The following ULK4 variants were observed in gnomAD, a reference collection of about 807,000 sequenced individuals.
The protein encoded by ULK4 is unc-51 like kinase 4.
In ULK4, 133 loss-of-function variants were observed where a neutral mutation model predicts 160.6. That is an observed-to-expected ratio of 0.83 (90% CI 0.72 to 0.96). The LOEUF (loss-of-function observed/expected upper bound fraction) is 0.96, where lower values mean the gene tolerates loss of function less well. ULK4 is among the 40% of genes least tolerant of loss of function. ULK4 has a pLI of 0.00. For synonymous variants in ULK4, 534 were observed against 539.8 expected, an observed-to-expected ratio of 0.99 and a Z score of 0.15; for missense variants, 1,580 against 1,499.5, an observed-to-expected ratio of 1.05 and a Z score of -0.89.
chr3:41,878,933 G>C (rs1461303586), intron 17 of ULK4, among the ~76,000 whole-genome samples: 2 of 149,062 alleles, frequency 1.3e-5, no homozygotes, highest in East Asian at 4.0e-4. Flanking sequence ...TGAATCAAGG[G>C]TCCACATCTA....
chr3:41,700,336 T>A (rs932348187), intron 27 of ULK4, among the ~76,000 whole-genome samples: 1 of 152,070 alleles, frequency 6.6e-6, no homozygotes, highest in African/African-American at 2.4e-5. Context: ...CCCATCCTCC[T>A]AGCATACAGA....
intron 17 of ULK4, among the ~76,000 whole-genome samples, chr3:41,873,505 T>C (rs1329461780): frequency 6.6e-6 from 1 of 152,144 alleles, no homozygotes; most frequent in African/African-American, 2.4e-5. Context: ...TTCCAAAGTC[T>C]TTTTGTTACA....
chr3:41,948,703 G>A (rs1700188206), intron 2 of ULK4, among the ~76,000 whole-genome samples: 1 of 138,836 alleles, frequency 7.2e-6, no homozygotes, highest in Non-Finnish European at 1.5e-5. Flanking sequence ...AAATGCACTT[G>A]GCAAAATTCA....
chr3:41,451,139 C>T (rs13059459), intron 34 of ULK4, among the ~76,000 whole-genome samples: 39,117 of 151,854 alleles, frequency 0.26, 5,291 homozygotes, highest in East Asian at 0.57. Context: ...GCGGGAAAAC[C>T]TCTAAGCAGT....
At chr3:41,388,922 G>T (rs1177448738) in intron 35 of ULK4, among the ~76,000 whole-genome samples, 1 of 152,082 alleles carries the variant, frequency 6.6e-6, no homozygotes, top group African/African-American at 2.4e-5. Context: ...AAAGTCATTG[G>T]TAGCTTGATG....
At chr3:41,613,000 A>G (rs1437188271) in intron 31 of ULK4, among the ~76,000 whole-genome samples, 1 of 152,340 alleles carries the variant, frequency 6.6e-6, no homozygotes, top group Non-Finnish European at 1.5e-5. Context: ...TACCAGCTAA[A>G]TGAATCAAAT....
intron 34 of ULK4, among the ~76,000 whole-genome samples, chr3:41,416,246 T>TA (rs11448907): frequency 0.48 from 72,873 of 152,038 alleles, 18,257 homozygotes; most frequent in African/African-American, 0.62. Flanking sequence ...TGGTCTGGTA[T>TA]TTTTAAAGAT....
chr3:41,309,116 G>A (rs569928803), intron 35 of ULK4, among the ~76,000 whole-genome samples: 16 of 152,066 alleles, frequency 1.1e-4, no homozygotes, highest in Admixed American at 3.9e-4. Context: ...AAACATGAAA[G>A]TTATTGATTA....
At chr3:41,934,136 C>A (rs1379921664) in intron 4 of ULK4, among the ~76,000 whole-genome samples, 1 of 152,144 alleles carries the variant, frequency 6.6e-6, no homozygotes, top group Non-Finnish European at 1.5e-5. Flanking sequence ...AGACATGTAA[C>A]AATGAATTAC....
intron 22 of ULK4, among the ~76,000 whole-genome samples, chr3:41,726,072 T>C (rs180900274): frequency 5.9e-5 from 9 of 152,340 alleles, no homozygotes; most frequent in Admixed American, 3.9e-4. Flanking sequence ...AAATTCACAC[T>C]TGTCTATAAG....
intron 35 of ULK4, among the ~76,000 whole-genome samples, chr3:41,319,519 A>G (rs1233287906): frequency 6.6e-6 from 1 of 152,236 alleles, no homozygotes; most frequent in Non-Finnish European, 1.5e-5. Flanking sequence ...GTTTTATTAA[A>G]TAAGAGGAAG....
At chr3:41,506,765 A>AAAAAAAAAAAAATATATATATAT (rs1491135487) in intron 32 of ULK4, among the ~76,000 whole-genome samples, 160 of 10,458 alleles carry the variant, frequency 0.015, 13 homozygotes, top group African/African-American at 0.025. Context: ...AGTGTGATTT[A>AAAAAAAAAAAAATATATATATAT]AAATATATAT....
intron 11 of ULK4, 50 bp downstream of exon 11, chr3:41,911,267 A>G: frequency 6.3e-7 from 1 of 1,580,924 alleles, no homozygotes; most frequent in Non-Finnish European, 8.6e-7. Context: ...ATGCTTTAAG[A>G]AAATTTAACT....
chr3:41,314,141 T>G (rs902123180), intron 35 of ULK4, among the ~76,000 whole-genome samples: 5 of 152,214 alleles, frequency 3.3e-5, no homozygotes, highest in African/African-American at 1.2e-4. Context: ...TGAGCCCAAC[T>G]CAAACTACAG....
At chr3:41,310,026 G>A (rs376602381) in intron 35 of ULK4, among the ~76,000 whole-genome samples, 18 of 152,204 alleles carry the variant, frequency 1.2e-4, no homozygotes, top group Middle Eastern at 3.2e-3. Flanking sequence ...CATTGTTTGG[G>A]AGAAGGCTAG....
At position 41,954,698 on chromosome 3, in the gene ULK4, C is replaced by T. The variant is rs1168647903; in HGVS notation, c.62G>A (p.Gly21Glu). 2 of 1,613,902 alleles carry T rather than the reference C, an allele frequency of 1.2e-6. No homozygotes were observed. The highest frequency in any genetic ancestry group is 8.5e-7 in the Non-Finnish European group (1 of 1,179,918). Reference sequence around the variant, plus strand: ...AAAATTGATTGTTCCCTTCCGTCGCCCTTTATAGACAACAGTCTTGCTTCC... The same window carrying T: ...AAAATTGATTGTTCCCTTCCGTCGCTCTTTATAGACAACAGTCTTGCTTCC... ...GRGSKTVVYK[G>E]RRKGTINFVA... The change falls in exon 2 of 37, where the codon GGG becomes GAG. Residue 21 changes from glycine (G) to glutamate (E), a missense_variant. Transcript: ENST00000301831.
chr3:41,728,055 G>GA (rs1300945076), intron 22 of ULK4, among the ~76,000 whole-genome samples: 1 of 152,188 alleles, frequency 6.6e-6, no homozygotes, highest in Non-Finnish European at 1.5e-5. Flanking sequence ...GTCTGGAGCA[G>GA]AAAAATCTTT....
At chr3:41,882,127 G>C (rs1697543525) in intron 17 of ULK4, 1 of 692,940 alleles carries the variant, frequency 1.4e-6, no homozygotes, top group African/African-American at 1.8e-5. Flanking sequence ...CCATCTTCCA[G>C]GCACTGCCAC....
chr3:41,935,209 A>ATTTATTTATTTTTTTTTTTTTTTTTTT (rs1559660879), intron 4 of ULK4, among the ~76,000 whole-genome samples: 1 of 135,556 alleles, frequency 7.4e-6, no homozygotes, highest in Non-Finnish European at 1.5e-5. Context: ...TTATTTATTT[A>ATTTATTTATTTTTTTTTTTTTTTTTTT]TTTTTTTTTT....
Sources: gnomAD v4.1 joint callset for allele counts (sites outside exome capture counted in the v4.1 genomes callset) on GRCh38, gnomAD v4.1.1 for gene constraint, MANE v1.5 for transcripts, NCBI Gene and HGNC (gene_info 2026-07-23, HGNC 2026-07-21) for gene names.